Variants in LGSN observed in about 807,000 individuals in gnomAD.
The protein encoded by LGSN is lengsin, lens protein with glutamine synthetase domain.
In LGSN, 21 loss-of-function variants were observed where a neutral mutation model predicts 19.5. The observed-to-expected ratio is 1.07, with a 90% CI of 0.76 to 1.55. The LOEUF is 1.55. Among genes scored for constraint, LGSN ranks in the 40% most tolerant of loss-of-function variants. The probability of loss-of-function intolerance (pLI) is 0.00; values close to 1 mark genes in which losing one functional copy is unlikely to be tolerated. For synonymous variants in LGSN, 257 were observed against 215.6 expected, an observed-to-expected ratio of 1.19 and a Z score of -1.68; for missense variants, 673 against 608.5, an observed-to-expected ratio of 1.11 and a Z score of -1.12.
the LGSN span, among the ~76,000 whole-genome samples, chr6:63,419,528 C>T: frequency 6.6e-6 from 1 of 152,066 alleles, no homozygotes; most frequent in Non-Finnish European, 1.5e-5. Context: ...AGCTGGGGCT[C>T]CTCCATTTTG....
the LGSN span, among the ~76,000 whole-genome samples, chr6:63,348,489 G>A: frequency 6.6e-6 from 1 of 151,954 alleles, no homozygotes; most frequent in Non-Finnish European, 1.5e-5. Context: ...ATGTAATTAA[G>A]CATTCACAAT....
the LGSN span, among the ~76,000 whole-genome samples, chr6:63,463,607 G>A: frequency 6.6e-6 from 1 of 152,052 alleles, no homozygotes; most frequent in African/African-American, 2.4e-5. Context: ...TGTGACTGCT[G>A]ATTCTCTGTA....
At chr6:63,337,124 C>T in the LGSN span, among the ~76,000 whole-genome samples, 1 of 151,120 alleles carries the variant, frequency 6.6e-6, no homozygotes, top group Non-Finnish European at 1.5e-5. Context: ...GGGGTTTCAC[C>T]ATGTTGGCCA....
Position 63,300,964 on chromosome 6 carries a change from A to G in LGSN, c.31-5919T>C, listed in dbSNP as rs149005163. On this transcript the variant is annotated intron_variant, in intron 1 of 3. Transcript: ENST00000370657. ...GAAGTTAGAATTACTAAGAGTTAAA[A>G]TTTAAGTTAATATATGTAATTATAA... Among the ~76,000 whole-genome samples, 8 of 152,316 alleles carry G rather than the reference A, an allele frequency of 5.3e-5. No individual in the cohort carries two copies. The East Asian group carries it at 1.2e-3, about 22-fold the overall frequency.
At chr6:63,505,877 C>T in the LGSN span, among the ~76,000 whole-genome samples, 2 of 152,094 alleles carry the variant, frequency 1.3e-5, no homozygotes, top group Non-Finnish European at 2.9e-5. Flanking sequence ...CCAGTCTGGT[C>T]TCAAACTCCT....
chr6:63,426,072 G>A, the LGSN span, among the ~76,000 whole-genome samples: 16,471 of 151,894 alleles, frequency 0.11, 1,832 homozygotes, highest in African/African-American at 0.29. Flanking sequence ...CAAGGGAAAG[G>A]ACCACAATTC....
intron 3 of LGSN, among the ~76,000 whole-genome samples, chr6:63,283,065 C>T (rs778207936): frequency 2.0e-5 from 3 of 152,016 alleles, no homozygotes; most frequent in Non-Finnish European, 4.4e-5. Context: ...CATTTCACTC[C>T]AATAGTCCTA....
chr6:63,480,936 A>G, the LGSN span, among the ~76,000 whole-genome samples: 1 of 129,598 alleles, frequency 7.7e-6, no homozygotes, highest in African/African-American at 3.0e-5. Context: ...TGGATAAAGA[A>G]AATGATATAT....
At chr6:63,351,699 C>T in the LGSN span, among the ~76,000 whole-genome samples, 1 of 152,116 alleles carries the variant, frequency 6.6e-6, no homozygotes, top group African/African-American at 2.4e-5. Flanking sequence ...CTCAAGTGAA[C>T]CACCCACCTC....
At chr6:63,471,320 G>T in the LGSN span, among the ~76,000 whole-genome samples, 1 of 151,678 alleles carries the variant, frequency 6.6e-6, no homozygotes, top group Non-Finnish European at 1.5e-5. Context: ...ATAATATTGG[G>T]AAGAGATCTC....
chr6:63,356,855 A>G, the LGSN span, among the ~76,000 whole-genome samples: 18 of 152,236 alleles, frequency 1.2e-4, no homozygotes, highest in Non-Finnish European at 2.4e-4. Context: ...TTATACTTTA[A>G]GTTTTAGGGT....
intron 1 of LGSN, among the ~76,000 whole-genome samples, chr6:63,314,255 A>G (rs1405175841): frequency 1.3e-5 from 2 of 152,170 alleles, no homozygotes; most frequent in Non-Finnish European, 2.9e-5. Context: ...AAAAAAATAT[A>G]GAAGAGTGCT....
the LGSN span, among the ~76,000 whole-genome samples, chr6:63,426,824 G>A: frequency 6.6e-6 from 1 of 151,930 alleles, no homozygotes; most frequent in East Asian, 1.9e-4. Context: ...CCAGGTATTG[G>A]TTTTAAATTT....
rs1029213662 is a variant in LGSN, at chr6:63,288,043, G to A, written c.164-2290C>T. 2.6e-5 allele frequency among the ~76,000 whole-genome samples: 4 copies of A among 151,444 alleles called. No individual in the cohort carries two copies. The East Asian group carries it at 5.8e-4, about 22-fold the overall frequency. Reference sequence around the variant, plus strand: ...AGCCTGACCTACATGGTGAAACCCCGTCTCTACAAAATGTTTTTAAAAAAA... The same window carrying A: ...AGCCTGACCTACATGGTGAAACCCCATCTCTACAAAATGTTTTTAAAAAAA... On this transcript the variant is annotated intron_variant, in intron 2 of 3. Coordinates refer to ENST00000370657, the MANE Select transcript of LGSN (RefSeq NM_016571.3).
the LGSN span, among the ~76,000 whole-genome samples, chr6:63,545,327 A>T: frequency 2.6e-5 from 4 of 152,110 alleles, no homozygotes; most frequent in Non-Finnish European, 5.9e-5. Flanking sequence ...GAAATTTCTT[A>T]GGCTGGGTGT....
At chr6:63,337,387 C>G in the LGSN span, among the ~76,000 whole-genome samples, 3 of 151,688 alleles carry the variant, frequency 2.0e-5, no homozygotes, top group Non-Finnish European at 1.5e-5. Flanking sequence ...CACTTGAACC[C>G]AAGAGGCAGA....
the LGSN span, among the ~76,000 whole-genome samples, chr6:63,411,243 G>T: frequency 9.2e-5 from 14 of 152,130 alleles, no homozygotes; most frequent in African/African-American, 1.7e-4. Context: ...CAGGAATTAC[G>T]CTGTGAGCTA....
At chr6:63,402,426 T>C in the LGSN span, among the ~76,000 whole-genome samples, 1 of 152,032 alleles carries the variant, frequency 6.6e-6, no homozygotes, top group African/African-American at 2.4e-5. Flanking sequence ...GGAAGAGCCC[T>C]AACTGATAGA....
At chr6:63,568,565 T>C in the LGSN span, among the ~76,000 whole-genome samples, 2 of 151,968 alleles carry the variant, frequency 1.3e-5, no homozygotes, top group Non-Finnish European at 1.5e-5. Context: ...ATTACCAAGA[T>C]GTAACACAGA....
Sources: allele counts gnomAD v4.1 joint callset (sites outside exome capture counted in the v4.1 genomes callset), GRCh38; gene constraint gnomAD v4.1.1; transcripts MANE v1.5; gene names NCBI Gene and HGNC (gene_info 2026-07-23, HGNC 2026-07-21).